The following DZIP1 variants were observed in gnomAD, a reference collection of about 807,000 sequenced individuals.
DZIP1 encodes DAZ interacting zinc finger protein 1.
Under a neutral mutation model 107.6 loss-of-function variants are expected in DZIP1, and 97 were observed. That is an observed-to-expected ratio of 0.90 (90% confidence interval 0.77 to 1.07). The LOEUF is 1.07. DZIP1 is among the 50% of genes least tolerant of loss of function. The pLI, the probability that DZIP1 is intolerant of heterozygous loss-of-function variation, is 0.00. For missense variants in DZIP1, 1,035 were observed against 1,063.6 expected (o/e 0.97, Z 0.37); for synonymous variants, 390 against 386.4 (o/e 1.01, Z -0.11).
intron 16 of DZIP1, among the ~76,000 whole-genome samples, chr13:95,592,928 A>C (rs1338716293): frequency 6.6e-6 from 1 of 152,222 alleles, no homozygotes; most frequent in Non-Finnish European, 1.5e-5. Flanking sequence ...ACTAAGTCAG[A>C]ATACCCTTTC....
chr13:95,616,826 G>A (rs898114894), intron 10 of DZIP1, among the ~76,000 whole-genome samples: 3 of 152,094 alleles, frequency 2.0e-5, no homozygotes, highest in South Asian at 2.1e-4. Context: ...CTCTGGAGAC[G>A]CAATAGCAGT....
At position 95,607,673 on chromosome 13, in the gene DZIP1, A is replaced by G. The variant is rs1055543478; in HGVS notation, c.1421-1614T>C. ...TGTAAATCACTGTCTGACTTTTTAC[A>G]AGAAAAAAAAAAATACAGAATACTA... On this transcript the variant is annotated intron_variant, in intron 13 of 22. Coordinates refer to ENST00000376829, the MANE Select transcript of DZIP1 (RefSeq NM_198968.4). Among the ~76,000 whole-genome samples the G allele has an allele frequency of 3.8e-4, 58 of 152,164 alleles. 2 individuals are homozygous for G. Among genetic ancestry groups the G allele is most frequent in the Admixed American group, 6.5e-5 (1 of 15,280 alleles).
chr13:95,634,980 T>C (rs889723824), intron 5 of DZIP1, among the ~76,000 whole-genome samples: 7 of 152,172 alleles, frequency 4.6e-5, no homozygotes, highest in Admixed American at 1.3e-4. Context: ...TTTTAGTCTA[T>C]AGGTTTCCCC....
At chr13:95,589,763 CA>C (rs1220897841) in intron 18 of DZIP1, 39 bp downstream of exon 18, 1 of 1,597,308 alleles carries the variant, frequency 6.3e-7, no homozygotes, top group African/African-American at 1.3e-5. Flanking sequence ...TGAGCTAAGA[CA>C]AACACTGATA....
At position 95,622,499 on chromosome 13, in the gene DZIP1, G is replaced by T; in HGVS notation, c.973-19C>A. On this transcript the variant is annotated intron_variant, in intron 8 of 22. Coordinates refer to ENST00000376829, the MANE Select transcript of DZIP1 (RefSeq NM_198968.4). The stretch of plus-strand genomic sequence containing the variant: ...ACAGTTGCTATAAGATAAAATTCAA[G>T]CTCAGTACTACAGTTAGACTTTCAT... 1 of 1,613,876 alleles carries T rather than the reference G, an allele frequency of 6.2e-7. No individual in the cohort carries two copies. The highest frequency in any genetic ancestry group is 8.5e-7 in the Non-Finnish European group (1 of 1,179,910).
At chr13:95,623,899 A>G (rs1200179130) in intron 8 of DZIP1, among the ~76,000 whole-genome samples, 1 of 152,216 alleles carries the variant, frequency 6.6e-6, no homozygotes, top group African/African-American at 2.4e-5. Context: ...AGATTGTGCC[A>G]CTACACTCCA....
At position 95,633,106 on chromosome 13, in the gene DZIP1, C is replaced by T. The variant is rs1237377605; in HGVS notation, c.685+128G>A. The T allele has an allele frequency of 4.3e-5, 36 of 843,556 alleles. No homozygotes were observed. The East Asian group carries it at 9.0e-4, about 21-fold the overall frequency. The allele number at this position is 843,556 out of a possible 1,614,324, so 52.3% of individuals were successfully genotyped here. ...GCACCTCCTGAGGGCTCCATATTTA[C>T]TTACTGAATTGACAGGGACCGTGAT... On this transcript the variant is annotated intron_variant, in intron 6 of 22. Transcript: ENST00000376829.
chr13:95,621,417 G>A (rs1402689414), intron 9 of DZIP1, among the ~76,000 whole-genome samples: 2 of 152,200 alleles, frequency 1.3e-5, no homozygotes, highest in African/African-American at 2.4e-5. Context: ...TGACTGCAGT[G>A]GAGCAGGTAG....
chr13:95,597,780 G>C (rs755230926), intron 15 of DZIP1, among the ~76,000 whole-genome samples: 1 of 152,200 alleles, frequency 6.6e-6, no homozygotes, highest in Non-Finnish European at 1.5e-5. Context: ...CAGAATTTCT[G>C]AGTTGGAAGG....
rs2043975378 is a variant in DZIP1 at position 95,578,863 on chromosome 13, A to C, written c.*3371T>G. On this transcript the variant is annotated 3_prime_UTR_variant, in exon 23 of 23. Coordinates refer to ENST00000376829, the MANE Select transcript of DZIP1 (RefSeq NM_198968.4). ...GTAATTCATTATGACTGCTCCAGGAAGGGCTAATGGGGCCAATATATTATT... is the reference window on the plus strand; with the variant it reads ...GTAATTCATTATGACTGCTCCAGGACGGGCTAATGGGGCCAATATATTATT... 6.6e-6 allele frequency: 1 copy of C among 152,232 alleles called. No individual in the cohort carries two copies. The highest frequency in any genetic ancestry group is 2.1e-4 in the South Asian group (1 of 4,830). The allele number at this position is 152,232 out of a possible 1,614,324, so 9.4% of individuals were successfully genotyped here. A position where few individuals can be genotyped will look rare whatever the true frequency, so the allele number is the denominator to read the frequency against.
At chr13:95,632,796 C>A (rs1877346196) in intron 6 of DZIP1, among the ~76,000 whole-genome samples, 1 of 152,156 alleles carries the variant, frequency 6.6e-6, no homozygotes, top group African/African-American at 2.4e-5. Flanking sequence ...TCAAACACAT[C>A]ATCCCAGCAC....
Position 95,580,613 on chromosome 13 carries a change from A to G in DZIP1, c.*1621T>C, listed in dbSNP as rs929662673. On this transcript the variant is annotated 3_prime_UTR_variant, in exon 23 of 23. Transcript: ENST00000376829. The stretch of plus-strand genomic sequence containing the variant: ...CCTTTAGGATGAGGATTATAACAAT[A>G]ACTACATCGCAAAGTTGTTGTAATT... The G allele has an allele frequency of 6.6e-5, 10 of 152,196 alleles. No individual in the cohort carries two copies. The highest frequency in any genetic ancestry group is 1.2e-4 in the Non-Finnish European group (8 of 68,038). 9.4% of individuals were successfully genotyped at this position (152,196 alleles called of 1,614,324 possible). A position where few individuals can be genotyped will look rare whatever the true frequency, so the allele number is the denominator to read the frequency against.
At chr13:95,617,079 G>A (rs573064024) in intron 10 of DZIP1, among the ~76,000 whole-genome samples, 41 of 152,092 alleles carry the variant, frequency 2.7e-4, no homozygotes, top group African/African-American at 8.2e-4. Flanking sequence ...ATGGTGGCAC[G>A]TAATCCCAGC....
Position 95,619,896 on chromosome 13 carries a change from C to T in DZIP1, c.1162G>A (p.Glu388Lys). Residue 388 changes from glutamate (E) to lysine (K), a missense_variant, in exon 10 of 23, where the codon GAG becomes AAG. Transcript: ENST00000376829. Reference sequence around the variant, plus strand: ...TTTCTTAACCTTACCCGACCCTTCTCTTTCTTGTGTTCTTGATGAATAGCT... The same window carrying T: ...TTTCTTAACCTTACCCGACCCTTCTTTTTCTTGTGTTCTTGATGAATAGCT... Reference protein sequence around the residue: ...VQAIHQEHKKEKGRLLSHIEK... With the variant: ...VQAIHQEHKKKKGRLLSHIEK... 1 of 1,613,896 alleles carries T rather than the reference C, an allele frequency of 6.2e-7. No homozygotes were observed. Among genetic ancestry groups the T allele is most frequent in the South Asian group, 1.1e-5 (1 of 91,066 alleles).
intron 15 of DZIP1, among the ~76,000 whole-genome samples, chr13:95,598,652 AATTATT>A (rs951938736): frequency 1.3e-4 from 20 of 152,160 alleles, no homozygotes; most frequent in African/African-American, 4.3e-4. Flanking sequence ...ATATATGGTG[AATTATT>A]ATTATTATTA....
chr13:95,632,972 A>G (rs1413780996), intron 6 of DZIP1, among the ~76,000 whole-genome samples: 1 of 152,144 alleles, frequency 6.6e-6, no homozygotes, highest in Non-Finnish European at 1.5e-5. Context: ...TTACTCATTT[A>G]TCTGTTTAAA....
intron 14 of DZIP1, among the ~76,000 whole-genome samples, chr13:95,602,706 C>T (rs142101352): frequency 3.1e-4 from 47 of 152,366 alleles, no homozygotes; most frequent in African/African-American, 1.0e-3. Flanking sequence ...CACATCCAAA[C>T]ATTTCCCCTT....
Position 95,606,063 on chromosome 13 carries a change from A to G in DZIP1, c.1421-4T>C. The G allele has an allele frequency of 6.2e-7, 1 of 1,613,686 alleles. No homozygotes were observed. On this transcript the variant is annotated splice_polypyrimidine_tract_variant and splice_region_variant and intron_variant, in intron 13 of 22. Coordinates refer to ENST00000376829, the MANE Select transcript of DZIP1 (RefSeq NM_198968.4). ...GTGTGCAGGGCTGGGGCATTCACTG[A>G]AACAGCATAAAAAGGAAAAACTCAG... is the stretch of plus-strand genomic sequence containing the variant.
intron 22 of DZIP1, among the ~76,000 whole-genome samples, chr13:95,583,668 G>A (rs538631621): frequency 3.3e-5 from 5 of 152,280 alleles, no homozygotes. Flanking sequence ...ACGGCTACAA[G>A]AGAAACCTCC....
Sources: gnomAD v4.1 joint callset for allele counts (sites outside exome capture counted in the v4.1 genomes callset) on GRCh38, gnomAD v4.1.1 for gene constraint, MANE v1.5 for transcripts, NCBI Gene and HGNC (gene_info 2026-07-23, HGNC 2026-07-21) for gene names.